Variants in GANAB observed in about 807,000 individuals in gnomAD.
The protein encoded by GANAB is neutral alpha-glucosidase AB.
A neutral mutation model predicts 129.9 loss-of-function variants in GANAB; 35 were observed. That is an observed-to-expected ratio of 0.27 (90% CI 0.21 to 0.36). The LOEUF (loss-of-function observed/expected upper bound fraction) is 0.36, where lower values mean the gene tolerates loss of function less well. Among genes scored for constraint, GANAB ranks in the 10% least tolerant of loss-of-function variants. The probability of loss-of-function intolerance (pLI) is 1.00; values close to 1 mark genes in which losing one functional copy is unlikely to be tolerated. For missense variants in GANAB, 939 were observed against 1,221.0 expected (o/e 0.77, Z 3.44); for synonymous variants, 482 against 451.8 (o/e 1.07, Z -0.85).
At chr11:62,634,593 A>T in intron 5 of GANAB, 2 of 615,500 alleles carry the variant, frequency 3.2e-6, no homozygotes, top group Non-Finnish European at 5.7e-6. Context: ...GGCCTCCCAG[A>T]GATGCCCAGG....
chr11:62,630,932 T>A (rs1174291870), intron 10 of GANAB, 96 bp from the exon 11 acceptor site: 2 of 1,498,866 alleles, frequency 1.3e-6, no homozygotes, highest in Non-Finnish European at 1.8e-6. Flanking sequence ...CTGAGGGGTA[T>A]AAACCTAGAA....
At chr11:62,633,332 A>G in intron 6 of GANAB, 61 bp from the exon 7 acceptor site, 1 of 1,544,906 alleles carries the variant, frequency 6.5e-7, no homozygotes, top group Non-Finnish European at 9.0e-7. Flanking sequence ...CCCCGCTCCC[A>G]TCAACTAAAT....
In GANAB at chr11:62,625,115, T is replaced by C; in HGVS notation, c.*700A>G. ...GGACAAGAAGGGGGCAAAAGAAGTT[T>C]AATGCGCATCCCCTAAGAGGTGTGG... is the stretch of plus-strand genomic sequence containing the variant. On this transcript the variant is annotated 3_prime_UTR_variant, in exon 24 of 24. Coordinates refer to ENST00000356638, the MANE Select transcript of GANAB (RefSeq NM_198334.3). The C allele has an allele frequency of 7.2e-6, 3 of 416,882 alleles. No individual in the cohort carries two copies. Among genetic ancestry groups the C allele is most frequent in the South Asian group, 5.2e-5 (3 of 57,800 alleles). 25.8% of individuals were successfully genotyped at this position (416,882 alleles called of 1,614,324 possible). A position where few individuals can be genotyped will look rare whatever the true frequency, so the allele number is the denominator to read the frequency against.
Position 62,639,636 on chromosome 11 carries a change from G to A in GANAB, c.134C>T (p.Ser45Phe), listed in dbSNP as rs778504484. The change falls in exon 2 of 24, where the codon TCT becomes TTT. Residue 45 changes from serine (S) to phenylalanine (F), a missense_variant. Physicochemically the swap from Ser to Phe is radical, Grantham distance 155 (BLOSUM62 -2). Coordinates refer to ENST00000356638, the MANE Select transcript of GANAB (RefSeq NM_198334.3). ...RSNFKTCEES[S>F]FCKRQRSIRP... Reference sequence around the variant, plus strand: ...CCCAGAAATATCATACTTGCAGAAAGAACTCTCTTCACAGGTCTTAAAGTT... The same window carrying A: ...CCCAGAAATATCATACTTGCAGAAAAAACTCTCTTCACAGGTCTTAAAGTT... 6.2e-6 allele frequency: 10 copies of A among 1,608,230 alleles called. No individual in the cohort carries two copies. In the Admixed American group the frequency reaches 1.5e-4, roughly 24 times the overall value.
At chr11:62,635,021 AATATAAGGAAGT>A (rs1463988658) in intron 4 of GANAB, 21 bp from the exon 5 acceptor site, 6 of 1,589,786 alleles carry the variant, frequency 3.8e-6, no homozygotes, top group Non-Finnish European at 5.2e-6. Context: ...TATCAAAAGA[AATATAAGGAAGT>A]ACAAAGGGCC....
chr11:62,628,205 C>CTTTTTTTTTT (rs58757640), intron 17 of GANAB, among the ~76,000 whole-genome samples: 8 of 98,412 alleles, frequency 8.1e-5, no homozygotes, highest in Non-Finnish European at 1.5e-4. Flanking sequence ...CTTCTCAAAA[C>CTTTTTTTTTT]TTTTTTTTTT....
intron 17 of GANAB, among the ~76,000 whole-genome samples, chr11:62,627,797 A>T (rs992752951): frequency 1.3e-5 from 2 of 152,194 alleles, no homozygotes; most frequent in African/African-American, 4.8e-5. Flanking sequence ...GCAGTCAGAC[A>T]GTCGGGTTGG....
intron 3 of GANAB, 66 bp from the exon 4 acceptor site, chr11:62,639,176 C>A: frequency 6.4e-7 from 1 of 1,565,362 alleles, no homozygotes; most frequent in Non-Finnish European, 8.8e-7. Flanking sequence ...CTCTTTGAAC[C>A]CATTCTCTCC....
intron 17 of GANAB, 150 bp from the exon 18 acceptor site, chr11:62,627,503 G>A (rs561434451): frequency 4.5e-5 from 27 of 594,158 alleles, no homozygotes; most frequent in African/African-American, 3.5e-4. Context: ...AGGCCGAGGC[G>A]GGAAGATCAC....
At position 62,632,612 on chromosome 11, in the gene GANAB, T is replaced by C; in HGVS notation, c.949A>G (p.Asn317Asp). ...PHRDLGIFWLNAAETWVDISS... is the reference protein window; with the variant it reads ...PHRDLGIFWLDAAETWVDISS... Reference sequence around the variant, plus strand: ...ATATCAACCCAGGTCTCTGCAGCATTGAGCCAGAAGATGCCCAAGTCGCGA... The same window carrying C: ...ATATCAACCCAGGTCTCTGCAGCATCGAGCCAGAAGATGCCCAAGTCGCGA... Residue 317 changes from asparagine to aspartate, a missense_variant, in exon 9 of 24, where the codon AAT becomes GAT. Asn to Asp is a conservative substitution (Grantham distance 23). Transcript: ENST00000356638. 6.2e-7 allele frequency: 1 copy of C among 1,614,014 alleles called. No individual in the cohort carries two copies. Among genetic ancestry groups the C allele is most frequent in the East Asian group, 2.2e-5 (1 of 44,892 alleles).
chr11:62,634,246 AG>A, intron 5 of GANAB: 1 of 1,119,924 alleles, frequency 8.9e-7, no homozygotes, highest in Non-Finnish European at 1.4e-6. Context: ...CTCCCCCCAA[AG>A]GCTAGAGTGA....
At chr11:62,633,613 G>T in intron 5 of GANAB, 99 bp from the exon 6 acceptor site, 1 of 1,035,346 alleles carries the variant, frequency 9.7e-7, no homozygotes, top group South Asian at 1.3e-5. Context: ...GGGTCCAAAG[G>T]AACGAAGGCA....
intron 4 of GANAB, among the ~76,000 whole-genome samples, chr11:62,637,201 A>C (rs1943983835): frequency 6.6e-6 from 1 of 152,198 alleles, no homozygotes; most frequent in South Asian, 2.1e-4. Flanking sequence ...ATACACAAAA[A>C]CTAAAGAAAC....
Position 62,630,515 on chromosome 11 carries a change from AG to A in GANAB, c.1387-11del, listed in dbSNP as rs778291964. ...CTACGATGGCCACCAGCTGGGGGCAAGGAACAGGGGTGTTCAGGTCTCTTTA... is the reference window on the plus strand; with the variant it reads ...CTACGATGGCCACCAGCTGGGGGCAAGAACAGGGGTGTTCAGGTCTCTTTA... On this transcript the variant is annotated splice_polypyrimidine_tract_variant and intron_variant, in intron 11 of 23. Coordinates refer to ENST00000356638, the MANE Select transcript of GANAB (RefSeq NM_198334.3). 1.2e-6 allele frequency: 2 copies of A among 1,614,208 alleles called. No homozygotes were observed. Among genetic ancestry groups the A allele is most frequent in the South Asian group, 2.2e-5 (2 of 91,080 alleles).
intron 4 of GANAB, among the ~76,000 whole-genome samples, chr11:62,635,881 C>T (rs1466271147): frequency 1.3e-5 from 2 of 151,832 alleles, no homozygotes; most frequent in African/African-American, 2.4e-5. Context: ...CCACTTGCCT[C>T]GGCCTCCCAA....
intron 23 of GANAB, 33 bp downstream of exon 23, chr11:62,626,032 T>TCCC: frequency 6.5e-7 from 1 of 1,544,668 alleles, no homozygotes; most frequent in Non-Finnish European, 9.0e-7. Context: ...TTCCCCTCCT[T>TCCC]CCCCCATCCT....
chr11:62,639,772 G>T (rs1351722394), intron 1 of GANAB, 41 bp from the exon 2 acceptor site: 3 of 1,356,960 alleles, frequency 2.2e-6, no homozygotes, highest in East Asian at 2.3e-5. Flanking sequence ...CAGCATGGAG[G>T]TCAGAAGGGG....
rs1361281255 is a variant in GANAB at position 62,633,256 on chromosome 11, C to G, written c.646G>C (p.Gly216Arg). ...CCTGGCTCATCTTTCTCTGCCTTCC[C>G]CTGAGTCTCCTCTGGCTGTTAAGAA... ...RDGDKPEETQ[G>R]KAEKDEPGAW... Residue 216 changes from glycine to arginine, a missense_variant, in exon 7 of 24, where the codon GGG (glycine) becomes CGG (arginine). Transcript: ENST00000356638. 6.2e-7 allele frequency: 1 copy of G among 1,613,680 alleles called. No homozygotes were observed. Among genetic ancestry groups the G allele is most frequent in the Admixed American group, 1.7e-5 (1 of 60,022 alleles).
At chr11:62,632,517 G>A in intron 9 of GANAB, 48 bp downstream of exon 9, 2 of 1,474,632 alleles carry the variant, frequency 1.4e-6, no homozygotes, top group Non-Finnish European at 1.9e-6. Flanking sequence ...TTTGCCTCAA[G>A]GCCTGGAAGC....
Sources: allele counts gnomAD v4.1 joint callset (sites outside exome capture counted in the v4.1 genomes callset), GRCh38; gene constraint gnomAD v4.1.1; transcripts MANE v1.5; gene names NCBI Gene and HGNC (gene_info 2026-07-23, HGNC 2026-07-21).